Variants in KALRN observed in about 807,000 individuals in gnomAD.
The protein encoded by KALRN is kalirin RhoGEF kinase, also known as kalirin.
Under a neutral mutation model 353.7 loss-of-function variants are expected in KALRN, and 70 were observed. The ratio of observed to expected loss-of-function variants is 0.20; its 90% CI spans 0.16 to 0.24. The LOEUF is 0.24. Ranked by LOEUF, KALRN falls within the 10% of genes least tolerant of loss-of-function variation. The pLI, the probability that KALRN is intolerant of heterozygous loss-of-function variation, is 1.00. For missense variants in KALRN, 2,791 were observed against 3,756.7 expected, an observed-to-expected ratio of 0.74 and a Z score of 6.72; for synonymous variants, 1,391 against 1,434.8, an observed-to-expected ratio of 0.97 and a Z score of 0.69.
At chr3:124,289,297 G>A (rs562359721) in intron 5 of KALRN, among the ~76,000 whole-genome samples, 3 of 152,118 alleles carry the variant, frequency 2.0e-5, no homozygotes, top group South Asian at 2.1e-4. Flanking sequence ...AAATTTGGGG[G>A]CACATTCAAA....
intron 1 of KALRN, among the ~76,000 whole-genome samples, chr3:124,200,767 A>T (rs2075879324): frequency 6.6e-6 from 1 of 152,118 alleles, no homozygotes; most frequent in South Asian, 2.1e-4. Context: ...AGCTTTTCAC[A>T]TTGAGAGAGC....
At chr3:124,568,141 C>T (rs2073078248) in intron 34 of KALRN, among the ~76,000 whole-genome samples, 1 of 152,176 alleles carries the variant, frequency 6.6e-6, no homozygotes, top group African/African-American at 2.4e-5. Context: ...TAAAGAACTC[C>T]TGCAACTCAA....
chr3:124,252,001 A>G (rs1025085201), intron 3 of KALRN, among the ~76,000 whole-genome samples: 1 of 152,176 alleles, frequency 6.6e-6, no homozygotes, highest in Non-Finnish European at 1.5e-5. Context: ...GGTGGAAACT[A>G]TCAACCTTCC....
intron 47 of KALRN, 43 bp from the exon 48 acceptor site, chr3:124,671,617 G>A: frequency 7.0e-7 from 1 of 1,430,706 alleles, no homozygotes; most frequent in Non-Finnish European, 9.8e-7. Context: ...AATCCTTGTG[G>A]GATTCCCAAA....
At chr3:124,121,511 T>C (rs1193470801) in intron 1 of KALRN, among the ~76,000 whole-genome samples, 1 of 152,208 alleles carries the variant, frequency 6.6e-6, no homozygotes, top group East Asian at 1.9e-4. Flanking sequence ...TACTGTGTTA[T>C]TTATTTCTCT....
At chr3:124,444,797 CAA>C (rs11370484) in intron 19 of KALRN, among the ~76,000 whole-genome samples, 5 of 101,874 alleles carry the variant, frequency 4.9e-5, no homozygotes, top group Non-Finnish European at 5.9e-5. Context: ...AAGACCCTGT[CAA>C]AAAAAAAAAA....
At chr3:124,685,151 A>G (rs72966699) in intron 51 of KALRN, among the ~76,000 whole-genome samples, 3 of 152,194 alleles carry the variant, frequency 2.0e-5, no homozygotes, top group Non-Finnish European at 4.4e-5. Context: ...AAAGAAAGTG[A>G]AGCATCACAT....
chr3:124,429,943 T>G (rs989451312), intron 15 of KALRN, among the ~76,000 whole-genome samples: 1 of 152,226 alleles, frequency 6.6e-6, no homozygotes, highest in African/African-American at 2.4e-5. Context: ...CTTGGTTATT[T>G]TGCAAGGTAG....
chr3:124,224,146 C>T (rs76942508), intron 1 of KALRN, among the ~76,000 whole-genome samples: 7,291 of 147,962 alleles, frequency 0.049, 290 homozygotes, highest in East Asian at 0.21. Context: ...AAGGTGCCAT[C>T]CCTGATTTTG....
At chr3:124,176,380 T>G (rs1320292447) in intron 1 of KALRN, among the ~76,000 whole-genome samples, 3 of 152,190 alleles carry the variant, frequency 2.0e-5, no homozygotes, top group Non-Finnish European at 2.9e-5. Context: ...ACGTTTTTGG[T>G]GTCTTGTAAA....
At chr3:124,147,890 T>C (rs1366440468) in intron 1 of KALRN, among the ~76,000 whole-genome samples, 1 of 152,230 alleles carries the variant, frequency 6.6e-6, no homozygotes, top group Non-Finnish European at 1.5e-5. Context: ...AGGCACACAG[T>C]TGATCCTCAG....
chr3:124,490,900 G>T lies in KALRN; in HGVS notation c.4587+16G>T. ...CAAGCTACTGGTAGGTGGGGCAGGT[G>T]GGGTAAGACAAGACTCCCTGCTTTC... is the stretch of plus-strand genomic sequence containing the variant. On this transcript the variant is annotated intron_variant, in intron 30 of 59. Coordinates refer to ENST00000682506, the MANE Select transcript of KALRN (RefSeq NM_001388419.1). The T allele has an allele frequency of 1.3e-6, 2 of 1,599,176 alleles. No homozygotes were observed. Among genetic ancestry groups the T allele is most frequent in the East Asian group, 2.2e-5 (1 of 44,686 alleles).
At chr3:124,094,626 T>G (rs1296618621) in intron 1 of KALRN, 6 of 617,968 alleles carry the variant, frequency 9.7e-6, no homozygotes, top group Non-Finnish European at 1.8e-5. Flanking sequence ...CACGGCGTTG[T>G]TCTGCACTTG....
At chr3:124,160,315 T>G (rs1250509193) in intron 1 of KALRN, among the ~76,000 whole-genome samples, 1 of 151,882 alleles carries the variant, frequency 6.6e-6, no homozygotes. Flanking sequence ...ATCCCTGCAA[T>G]GTGCAGGAGG....
intron 1 of KALRN, among the ~76,000 whole-genome samples, chr3:124,034,616 C>A (rs1241253040): frequency 3.3e-5 from 5 of 152,022 alleles, no homozygotes; most frequent in Non-Finnish European, 7.4e-5. Context: ...ATTGCTCCTC[C>A]TGCTCCCTGG....
intron 58 of KALRN, among the ~76,000 whole-genome samples, chr3:124,713,979 G>A (rs1201686327): frequency 1.3e-5 from 2 of 151,946 alleles, no homozygotes; most frequent in Non-Finnish European, 2.9e-5. Context: ...GTGTGTGTAC[G>A]GGATGTTTGA....
chr3:124,083,415 T>G (rs1292633410), intron 1 of KALRN, among the ~76,000 whole-genome samples: 1 of 151,942 alleles, frequency 6.6e-6, no homozygotes, highest in Admixed American at 6.6e-5. Context: ...GATAGCTAGA[T>G]GAAGGCAGGA....
intron 1 of KALRN, among the ~76,000 whole-genome samples, chr3:124,145,340 T>C (rs1338203721): frequency 6.6e-6 from 1 of 152,182 alleles, no homozygotes; most frequent in East Asian, 1.9e-4. Context: ...ACGTTGGAAT[T>C]GCCTATGGAA....
At chr3:124,268,293 G>A (rs1310343720) in intron 4 of KALRN, among the ~76,000 whole-genome samples, 2 of 152,132 alleles carry the variant, frequency 1.3e-5, no homozygotes, top group East Asian at 3.9e-4. Context: ...AATCTTTGCA[G>A]CCCAAGCACT....
Sources: allele counts gnomAD v4.1 joint callset (sites outside exome capture counted in the v4.1 genomes callset), GRCh38; gene constraint gnomAD v4.1.1; transcripts MANE v1.5; gene names NCBI Gene and HGNC (gene_info 2026-07-23, HGNC 2026-07-21).